CEP55: variants seen among roughly 807,000 people sequenced by gnomAD.
CEP55 encodes centrosomal protein 55, also known as centrosomal protein of 55 kDa.
A neutral mutation model predicts 63.2 loss-of-function variants in CEP55; 57 were observed. That is an observed-to-expected ratio of 0.90 (90% CI 0.73 to 1.13). The LOEUF (loss-of-function observed/expected upper bound fraction) is 1.13. Among genes scored for constraint, CEP55 ranks in the 50% most tolerant of loss-of-function variants. The pLI, the probability that CEP55 is intolerant of heterozygous loss-of-function variation, is 0.00. For synonymous variants in CEP55, 178 were observed against 191.6 expected, an observed-to-expected ratio of 0.93 and a Z score of 0.59; for missense variants, 456 against 518.9, an observed-to-expected ratio of 0.88 and a Z score of 1.18.
At chr10:93,508,292 A>G (rs2057709059) in intron 4 of CEP55, among the ~76,000 whole-genome samples, 1 of 152,196 alleles carries the variant, frequency 6.6e-6, no homozygotes, top group East Asian at 1.9e-4. Flanking sequence ...TTAGGTCAGT[A>G]TGTTGGTATT....
At chr10:93,512,878 A>G (rs1464133704) in intron 4 of CEP55, among the ~76,000 whole-genome samples, 1 of 152,186 alleles carries the variant, frequency 6.6e-6, no homozygotes, top group Non-Finnish European at 1.5e-5. Flanking sequence ...TCTCAACTGT[A>G]CTAAGTTCAC....
intron 3 of CEP55, among the ~76,000 whole-genome samples, chr10:93,504,010 T>A (rs992949693): frequency 2.0e-5 from 3 of 151,954 alleles, no homozygotes; most frequent in African/African-American, 7.3e-5. Context: ...TAAACCTGAG[T>A]TTCCACATCA....
At chr10:93,523,705 C>A (rs1228400459) in intron 8 of CEP55, among the ~76,000 whole-genome samples, 1 of 152,150 alleles carries the variant, frequency 6.6e-6, no homozygotes, top group Non-Finnish European at 1.5e-5. Context: ...CACTCCTCAG[C>A]AAATGTAAAA....
intron 1 of CEP55, among the ~76,000 whole-genome samples, chr10:93,499,549 T>TCTTG (rs2057610227): frequency 7.2e-6 from 1 of 138,540 alleles, no homozygotes; most frequent in Non-Finnish European, 1.5e-5. Context: ...TGAGACGGAG[T>TCTTG]CTTGCTGTGT....
At chr10:93,524,256 A>T (rs1029180514) in intron 8 of CEP55, among the ~76,000 whole-genome samples, 4 of 152,212 alleles carry the variant, frequency 2.6e-5, no homozygotes, top group African/African-American at 9.6e-5. Context: ...GATAAAGGGG[A>T]TATCACACCG....
At chr10:93,499,964 G>A (rs1589644964) in intron 1 of CEP55, 76 bp from the exon 2 acceptor site, 3 of 953,352 alleles carry the variant, frequency 3.1e-6, no homozygotes, top group African/African-American at 3.3e-5. Context: ...AGAGCAGATA[G>A]GTTATTAGAC....
In CEP55 at chr10:93,525,069, A is replaced by G. The variant is rs887798963; in HGVS notation, c.1192-2881A>G. Among the ~76,000 whole-genome samples the G allele has an allele frequency of 4.5e-3, 675 of 151,630 alleles. 3 individuals are homozygous for G. Among genetic ancestry groups the G allele is most frequent in the African/African-American group, 0.016 (652 of 41,352 alleles). Reference sequence around the variant, plus strand: ...CTCTCTCACCACTCCTATTCAACATAGTGTTGGAAGTTCTGGCCAGGGCAA... The same window carrying G: ...CTCTCTCACCACTCCTATTCAACATGGTGTTGGAAGTTCTGGCCAGGGCAA... On this transcript the variant is annotated intron_variant, in intron 8 of 8. Coordinates refer to ENST00000371485, the MANE Select transcript of CEP55 (RefSeq NM_018131.5).
chr10:93,497,982 C>G (rs921376769), intron 1 of CEP55, among the ~76,000 whole-genome samples: 2 of 151,868 alleles, frequency 1.3e-5, no homozygotes, highest in African/African-American at 4.8e-5. Flanking sequence ...ATTAGCCAGG[C>G]GTGGTGACGC....
chr10:93,521,104 C>G (rs1218285541), intron 8 of CEP55, among the ~76,000 whole-genome samples: 1 of 152,094 alleles, frequency 6.6e-6, no homozygotes, highest in African/African-American at 2.4e-5. Context: ...GACTGTCAGA[C>G]AGTGGATGCA....
At chr10:93,497,135 G>C (rs1233726127) in intron 1 of CEP55, among the ~76,000 whole-genome samples, 2 of 152,232 alleles carry the variant, frequency 1.3e-5, no homozygotes, top group African/African-American at 4.8e-5. Context: ...AATTTTTAAA[G>C]ATTGGCGTCG....
At chr10:93,515,057 G>A (rs2057789818) in intron 4 of CEP55, among the ~76,000 whole-genome samples, 1 of 152,186 alleles carries the variant, frequency 6.6e-6, no homozygotes, top group Non-Finnish European at 1.5e-5. Context: ...ACAGGCGAGA[G>A]CCACCGCACC....
At chr10:93,507,865 T>C (rs1301618694) in intron 4 of CEP55, among the ~76,000 whole-genome samples, 1 of 152,206 alleles carries the variant, frequency 6.6e-6, no homozygotes, top group African/African-American at 2.4e-5. Flanking sequence ...CAGGCTGGTC[T>C]TGAACTCCCG....
Position 93,526,939 on chromosome 10 carries a change from G to T in CEP55, c.1192-1011G>T, listed in dbSNP as rs189435792. Among the ~76,000 whole-genome samples the T allele has an allele frequency of 1.7e-3, 255 of 152,208 alleles. 2 individuals carry two copies. The highest frequency in any genetic ancestry group is 5.0e-3 in the South Asian group (24 of 4,826). ...CACACCCCAGGACCTGTTGTGGGGT[G>T]GGGGGAGTGGGGAGGGATAGCATTA... On this transcript the variant is annotated intron_variant, in intron 8 of 8. Transcript: ENST00000371485.
intron 4 of CEP55, among the ~76,000 whole-genome samples, chr10:93,510,922 T>C (rs2057740778): frequency 6.7e-6 from 1 of 150,178 alleles, no homozygotes; most frequent in Non-Finnish European, 1.5e-5. Flanking sequence ...AAGACCTTTA[T>C]AGCATTCCAC....
At chr10:93,526,818 C>T (rs1181459321) in intron 8 of CEP55, among the ~76,000 whole-genome samples, 1 of 152,098 alleles carries the variant, frequency 6.6e-6, no homozygotes. Context: ...TCATTCTCAG[C>T]AAACTATCAC....
intron 4 of CEP55, among the ~76,000 whole-genome samples, chr10:93,513,725 G>A (rs1367010236): frequency 6.6e-6 from 1 of 152,160 alleles, no homozygotes; most frequent in Non-Finnish European, 1.5e-5. Flanking sequence ...GTTCTTCGAA[G>A]TTCAGATTAC....
chr10:93,502,919 C>T lies in CEP55; in HGVS notation c.184-194C>T, dbSNP rs1393556700. Among the ~76,000 whole-genome samples, 9 of 152,198 alleles carry T rather than the reference C, an allele frequency of 5.9e-5. No homozygotes were observed. In the East Asian group the frequency reaches 1.7e-3, roughly 29 times the overall value. ...CTTAACTACAGCACTTACAACGTTG[C>T]ATTAATACATTGGCTTACTTCTCTG... On this transcript the variant is annotated intron_variant, in intron 2 of 8. Transcript: ENST00000371485.
At chr10:93,499,505 A>G (rs3758540) in intron 1 of CEP55, among the ~76,000 whole-genome samples, 78,425 of 149,472 alleles carry the variant, frequency 0.52, 22,758 homozygotes, top group Non-Finnish European at 0.65. Flanking sequence ...CAAAACATAA[A>G]TGTACAAGTT....
rs548517214 is a variant in CEP55 at position 93,515,267 on chromosome 10, C to T, written c.529-138C>T. ...TGTTATGTATTCTGAAGGCATGTAA[C>T]ATAGAATGGTTGCCCAGAATTAGTC... On this transcript the variant is annotated intron_variant, in intron 4 of 8. Transcript: ENST00000371485. The T allele has an allele frequency of 1.1e-5, 7 of 642,022 alleles. No homozygotes were observed. The African/African-American group carries it at 1.3e-4, about 12-fold the overall frequency. 39.8% of individuals were successfully genotyped at this position (642,022 alleles called of 1,614,324 possible). A position where few individuals can be genotyped will look rare whatever the true frequency, so the allele number is the denominator to read the frequency against.
Sources: allele counts gnomAD v4.1 joint callset (sites outside exome capture counted in the v4.1 genomes callset), GRCh38; gene constraint gnomAD v4.1.1; transcripts MANE v1.5; gene names NCBI Gene and HGNC (gene_info 2026-07-23, HGNC 2026-07-21).